Variants in CHN2 observed in about 807,000 individuals in gnomAD.
CHN2 encodes chimerin 2.
CHN2 carries 35 observed loss-of-function variants against 56.3 expected under a neutral mutation model. The observed-to-expected ratio is 0.62, with a 90% CI of 0.47 to 0.82. CHN2 has a LOEUF of 0.82. Among genes scored for constraint, CHN2 ranks in the 40% least tolerant of loss-of-function variants. The probability of loss-of-function intolerance (pLI) is 0.00; values close to 1 mark genes in which losing one functional copy is unlikely to be tolerated. For synonymous variants in CHN2, 210 were observed against 212.8 expected (o/e 0.99, Z 0.12); for missense variants, 491 against 580.5 (o/e 0.85, Z 1.58).
At chr7:29,234,768 G>T (rs534770942) in intron 1 of CHN2, among the ~76,000 whole-genome samples, 1 of 152,190 alleles carries the variant, frequency 6.6e-6, no homozygotes, top group Non-Finnish European at 1.5e-5. Flanking sequence ...GAAAGATTTT[G>T]CATCATTAGA....
At chr7:29,277,623 G>C (rs909923321) in intron 1 of CHN2, among the ~76,000 whole-genome samples, 1 of 152,206 alleles carries the variant, frequency 6.6e-6, no homozygotes, top group Non-Finnish European at 1.5e-5. Flanking sequence ...TAGCAGTGGA[G>C]TGTCTTTGAG....
intron 1 of CHN2, among the ~76,000 whole-genome samples, chr7:29,354,002 G>C (rs1184960081): frequency 6.6e-6 from 1 of 152,220 alleles, no homozygotes; most frequent in Non-Finnish European, 1.5e-5. Flanking sequence ...AACAATTTCA[G>C]CCTCTCCACT....
chr7:29,334,374 A>G (rs1796456041), intron 1 of CHN2: 1 of 152,138 alleles, frequency 6.6e-6, no homozygotes, highest in African/African-American at 2.4e-5. Context: ...TGAGTGTAGA[A>G]AATGTTGGCA....
intron 2 of CHN2, among the ~76,000 whole-genome samples, chr7:29,156,890 T>C (rs1794449928): frequency 6.6e-6 from 1 of 152,200 alleles, no homozygotes; most frequent in Non-Finnish European, 1.5e-5. Context: ...ATGAAAATCC[T>C]GTGGCTGCCA....
chr7:29,288,440 T>C (rs1038330378), intron 1 of CHN2, among the ~76,000 whole-genome samples: 12 of 152,258 alleles, frequency 7.9e-5, no homozygotes, highest in Non-Finnish European at 1.3e-4. Flanking sequence ...CGTTTTGTGA[T>C]TCCTTAGAAT....
intron 6 of CHN2, among the ~76,000 whole-genome samples, chr7:29,442,269 T>C (rs563346790): frequency 6.6e-6 from 1 of 152,274 alleles, no homozygotes; most frequent in South Asian, 2.1e-4. Context: ...TAACTCCCCA[T>C]CAGGTCAGAT....
chr7:29,308,204 C>G (rs1322537299), intron 1 of CHN2, among the ~76,000 whole-genome samples: 7 of 152,166 alleles, frequency 4.6e-5, no homozygotes, highest in Non-Finnish European at 1.5e-5. Context: ...TGCACTCTCT[C>G]AGCTCCCACT....
chr7:29,509,622 A>T, intron 12 of CHN2: 1 of 402,536 alleles, frequency 2.5e-6, no homozygotes, highest in Admixed American at 3.8e-5. Context: ...AGGTGGGCGG[A>T]TCATGAGGTC....
chr7:29,284,310 G>T (rs887221427), intron 1 of CHN2, among the ~76,000 whole-genome samples: 2 of 151,978 alleles, frequency 1.3e-5, no homozygotes, highest in Non-Finnish European at 2.9e-5. Flanking sequence ...GGCCAGGCTG[G>T]TCTCAAACTC....
intron 1 of CHN2, among the ~76,000 whole-genome samples, chr7:29,301,978 G>A (rs1417892219): frequency 1.3e-5 from 2 of 152,118 alleles, no homozygotes; most frequent in East Asian, 3.9e-4. Flanking sequence ...TCTACCTGTG[G>A]CACTGAAATT....
At chr7:29,473,482 T>TG (rs1554299029) in intron 6 of CHN2, among the ~76,000 whole-genome samples, 1,981 of 118,206 alleles carry the variant, frequency 0.017, 78 homozygotes, top group Admixed American at 0.082. Flanking sequence ...TTTTTTTTTT[T>TG]TGTGTGTGTG....
chr7:29,287,703 G>A (rs1414741343), intron 1 of CHN2, among the ~76,000 whole-genome samples: 1 of 152,164 alleles, frequency 6.6e-6, no homozygotes. Flanking sequence ...GGTTGTGTTT[G>A]TTGTCACTTA....
At chr7:29,488,681 A>G (rs942864839) in intron 7 of CHN2, among the ~76,000 whole-genome samples, 1 of 151,888 alleles carries the variant, frequency 6.6e-6, no homozygotes, top group Non-Finnish European at 1.5e-5. Context: ...AGGAAACTTC[A>G]CCCCCCCACC....
At chr7:29,347,476 G>A (rs897844501) in intron 1 of CHN2, among the ~76,000 whole-genome samples, 2 of 152,122 alleles carry the variant, frequency 1.3e-5, no homozygotes, top group African/African-American at 2.4e-5. Context: ...GGTGGAAGGC[G>A]GAGGGGAAGC....
At chr7:29,432,981 G>T (rs1402333813) in intron 6 of CHN2, among the ~76,000 whole-genome samples, 2 of 152,168 alleles carry the variant, frequency 1.3e-5, no homozygotes, top group Non-Finnish European at 2.9e-5. Flanking sequence ...TGTATAAAAA[G>T]ACATTCCAGA....
intron 9 of CHN2, among the ~76,000 whole-genome samples, chr7:29,503,284 TGA>T (rs1204778203): frequency 2.0e-5 from 3 of 152,100 alleles, no homozygotes; most frequent in Non-Finnish European, 4.4e-5. Flanking sequence ...AAAGGACGTG[TGA>T]GAGAAGGTGG....
chr7:29,507,170 TACA>T, intron 10 of CHN2, 55 bp from the exon 11 acceptor site: 1 of 1,484,290 alleles, frequency 6.7e-7, no homozygotes. Context: ...TTCCTTTCTG[TACA>T]TGCCTTGGTG....
At position 29,159,776 on chromosome 7, in the gene CHN2, T is replaced by C. The variant is rs550158508; in HGVS notation, c.274+12816T>C. On this transcript the variant is annotated intron_variant, in intron 2 of 6. Transcript: ENST00000439384. ...TCAAAGCACCTATCACCTGCTGACT[T>C]ACTATGTAATTCACTCATTCTTATG... Among the ~76,000 whole-genome samples, 4 of 152,338 alleles carry C rather than the reference T, an allele frequency of 2.6e-5. No homozygotes were observed. The South Asian group carries it at 8.3e-4, about 32-fold the overall frequency.
chr7:29,365,095 G>C (rs1799041535), intron 2 of CHN2, among the ~76,000 whole-genome samples: 1 of 152,038 alleles, frequency 6.6e-6, no homozygotes, highest in South Asian at 2.1e-4. Flanking sequence ...TCATTACAGG[G>C]GCATGGTATC....
Sources: gnomAD v4.1 joint callset for allele counts (sites outside exome capture counted in the v4.1 genomes callset) on GRCh38, gnomAD v4.1.1 for gene constraint, MANE v1.5 for transcripts, NCBI Gene and HGNC (gene_info 2026-07-23, HGNC 2026-07-21) for gene names.